The following RBPJ variants were observed in gnomAD, a reference collection of about 807,000 sequenced individuals.
The protein encoded by RBPJ is recombining binding protein suppressor of hairless.
RBPJ carries 9 observed loss-of-function variants against 67.8 expected under a neutral mutation model. The observed-to-expected ratio is 0.13, with a 90% CI of 0.08 to 0.23. The LOEUF is 0.23. Ranked by LOEUF, RBPJ falls within the 10% of genes least tolerant of loss-of-function variation. The pLI is 1.00. For missense variants in RBPJ, 305 were observed against 595.6 expected, an observed-to-expected ratio of 0.51 and a Z score of 5.08; for synonymous variants, 198 against 203.3, an observed-to-expected ratio of 0.97 and a Z score of 0.22.
At chr4:26,146,668 G>A in the RBPJ span, among the ~76,000 whole-genome samples, 1 of 152,174 alleles carries the variant, frequency 6.6e-6, no homozygotes, top group African/African-American at 2.4e-5. Flanking sequence ...CTTCTTTGAG[G>A]AGTATGAGGG....
upstream of RBPJ, among the ~76,000 whole-genome samples, chr4:26,318,803 CCTGA>C (rs1415621990): frequency 6.6e-6 from 1 of 151,756 alleles, no homozygotes; most frequent in Non-Finnish European, 1.5e-5. Context: ...TCGAGACCAT[CCTGA>C]CTAACATGGT....
the RBPJ span, among the ~76,000 whole-genome samples, chr4:26,152,329 G>A: frequency 1.1e-4 from 16 of 152,266 alleles, no homozygotes; most frequent in South Asian, 4.1e-4. Flanking sequence ...TTCCAGGTAC[G>A]CCCTGAACAC....
chr4:26,156,736 T>C, the RBPJ span, among the ~76,000 whole-genome samples: 1 of 152,110 alleles, frequency 6.6e-6, no homozygotes, highest in East Asian at 1.9e-4. Context: ...ATTACAGACA[T>C]GAGCCACCAT....
At chr4:26,361,061 G>GTGTGTGTT (rs1326736626) in intron 1 of RBPJ, among the ~76,000 whole-genome samples, 1 of 141,964 alleles carries the variant, frequency 7.0e-6, no homozygotes, top group Non-Finnish European at 1.6e-5. Context: ...GTGTGTGCGT[G>GTGTGTGTT]TGTGTGTGTG....
At chr4:26,184,039 A>G (rs1717124165) in intron 1 of RBPJ, among the ~76,000 whole-genome samples, 1 of 151,668 alleles carries the variant, frequency 6.6e-6, no homozygotes, top group African/African-American at 2.4e-5. Flanking sequence ...AAAATTAGCC[A>G]GGCATGGTGG....
chr4:26,209,603 C>CTG (rs1718298524), intron 1 of RBPJ, among the ~76,000 whole-genome samples: 1 of 40,622 alleles, frequency 2.5e-5, no homozygotes, highest in African/African-American at 8.1e-5. Context: ...TCCTCCTTCC[C>CTG]TCTCTCCCTC....
intron 1 of RBPJ, among the ~76,000 whole-genome samples, chr4:26,374,887 C>G (rs1007223521): frequency 6.6e-6 from 1 of 152,096 alleles, no homozygotes; most frequent in Non-Finnish European, 1.5e-5. Context: ...CGTGGAAAAT[C>G]ATGAACATTA....
intron 1 of RBPJ, among the ~76,000 whole-genome samples, chr4:26,357,558 A>G (rs902806377): frequency 2.6e-5 from 4 of 152,344 alleles, no homozygotes; most frequent in East Asian, 1.9e-4. Flanking sequence ...TGTTCAGTTT[A>G]TTTATTGTAG....
At chr4:26,218,478 G>T (rs999186930) in intron 1 of RBPJ, among the ~76,000 whole-genome samples, 2 of 152,094 alleles carry the variant, frequency 1.3e-5, no homozygotes, top group Non-Finnish European at 2.9e-5. Flanking sequence ...GCACTAAAGT[G>T]TGAACATTCC....
At chr4:26,175,051 A>G (rs1218281682) in intron 1 of RBPJ, among the ~76,000 whole-genome samples, 1 of 152,192 alleles carries the variant, frequency 6.6e-6, no homozygotes, top group East Asian at 1.9e-4. Context: ...GTGTTTTCTC[A>G]TTGTAATGAA....
At chr4:26,326,198 T>C (rs186621487) in intron 1 of RBPJ, among the ~76,000 whole-genome samples, 2 of 152,276 alleles carry the variant, frequency 1.3e-5, no homozygotes, top group Admixed American at 1.3e-4. Context: ...GTATAATTTA[T>C]ATATAGGTAT....
At chr4:26,406,297 T>G (rs762095258) in intron 3 of RBPJ, 27 bp downstream of exon 3, 2 of 1,415,044 alleles carry the variant, frequency 1.4e-6, no homozygotes, top group Admixed American at 3.4e-5. Flanking sequence ...GGTGGATAGT[T>G]AATTGTAGTT....
chr4:26,326,323 T>G (rs941793318), intron 1 of RBPJ, among the ~76,000 whole-genome samples: 1 of 146,626 alleles, frequency 6.8e-6, no homozygotes, highest in Admixed American at 6.8e-5. Context: ...TAGGCAAAAG[T>G]TTTTTTTTTT....
chr4:26,370,076 A>G (rs1729009442), intron 1 of RBPJ, among the ~76,000 whole-genome samples: 10 of 152,190 alleles, frequency 6.6e-5, no homozygotes, highest in Admixed American at 6.5e-4. Context: ...AGATCTTAGG[A>G]GATTGTCCAA....
upstream of RBPJ, among the ~76,000 whole-genome samples, chr4:26,319,112 A>T (rs1722776929): frequency 6.6e-6 from 1 of 151,718 alleles, no homozygotes. Context: ...TCAAGGCATG[A>T]CTCAAACCCG....
chr4:26,387,412 A>G (rs1463078713), intron 2 of RBPJ, among the ~76,000 whole-genome samples: 2 of 152,190 alleles, frequency 1.3e-5, no homozygotes, highest in Non-Finnish European at 2.9e-5. Context: ...TATTATTTAT[A>G]TAAATAAAAG....
chr4:26,297,684 A>T (rs1388490258), intron 1 of RBPJ, among the ~76,000 whole-genome samples: 2 of 152,144 alleles, frequency 1.3e-5, no homozygotes, highest in African/African-American at 4.8e-5. Context: ...GATGCAAGAA[A>T]ATTATAATTT....
the RBPJ span, among the ~76,000 whole-genome samples, chr4:26,157,103 AC>A: frequency 0.56 from 73,870 of 132,976 alleles, 21,314 homozygotes; most frequent in East Asian, 0.75. Context: ...ACAAACAAAA[AC>A]AAACAAACAA....
chr4:26,385,006 C>T (rs892552583), intron 1 of RBPJ, among the ~76,000 whole-genome samples: 11 of 116,498 alleles, frequency 9.4e-5, no homozygotes, highest in African/African-American at 3.7e-4. Flanking sequence ...CTCCTCCCCT[C>T]CCCCCTTTCC....
Sources: allele counts gnomAD v4.1 joint callset (sites outside exome capture counted in the v4.1 genomes callset), GRCh38; gene constraint gnomAD v4.1.1; transcripts MANE v1.5; gene names NCBI Gene and HGNC (gene_info 2026-07-23, HGNC 2026-07-21).